Variants in PKD2 observed in about 807,000 individuals in gnomAD.
The protein encoded by PKD2 is polycystin 2, transient receptor potential cation channel, also known as polycystin-2.
PKD2 carries 48 observed loss-of-function variants against 105.9 expected under a neutral mutation model. The observed-to-expected ratio is 0.45, with a 90% CI of 0.36 to 0.58. The LOEUF (loss-of-function observed/expected upper bound fraction) is 0.58. PKD2 is among the 20% of genes least tolerant of loss of function. The pLI, the probability that PKD2 is intolerant of heterozygous loss-of-function variation, is 0.00. For synonymous variants in PKD2, 464 were observed against 481.1 expected (o/e 0.96, Z 0.46); for missense variants, 1,078 against 1,255.3 (o/e 0.86, Z 2.13).
intron 13 of PKD2, among the ~76,000 whole-genome samples, chr4:88,074,134 G>T (rs1239060904): frequency 2.0e-5 from 3 of 152,004 alleles, no homozygotes; most frequent in Non-Finnish European, 4.4e-5. Context: ...ATTGTTGGGT[G>T]TTTTTTGTTT....
At chr4:88,016,785 A>AC (rs1409557406) in intron 1 of PKD2, among the ~76,000 whole-genome samples, 1 of 151,924 alleles carries the variant, frequency 6.6e-6, no homozygotes, top group Non-Finnish European at 1.5e-5. Flanking sequence ...ATGTAGTGAG[A>AC]CCCCACCTCT....
intron 13 of PKD2, among the ~76,000 whole-genome samples, chr4:88,070,703 G>A (rs1396513906): frequency 1.3e-5 from 2 of 150,004 alleles, no homozygotes; most frequent in Non-Finnish European, 3.0e-5. Context: ...TGTAATCATG[G>A]CTCTCTACAG....
chr4:88,018,622 A>G (rs1726641598), intron 1 of PKD2, among the ~76,000 whole-genome samples: 1 of 152,174 alleles, frequency 6.6e-6, no homozygotes, highest in Non-Finnish European at 1.5e-5. Flanking sequence ...GGGGCTTTGG[A>G]TGGCCACCAT....
At chr4:88,012,432 C>T (rs2725233) in intron 1 of PKD2, among the ~76,000 whole-genome samples, 118,994 of 152,056 alleles carry the variant, frequency 0.78, 46,697 homozygotes, top group African/African-American at 0.83. Context: ...TGCATCTCTT[C>T]AGTTTATGAA....
At position 88,076,094 on chromosome 4, in the gene PKD2, G is replaced by T; in HGVS notation, c.*400G>T. ...GTTATTTTTTTCCAAGAGTGTGAAG[G>T]AAAATGGGGCATTCCTTTCCACTCT... On this transcript the variant is annotated 3_prime_UTR_variant, in exon 15 of 15. Coordinates refer to ENST00000237596, the MANE Select transcript of PKD2 (RefSeq NM_000297.4). 1 of 221,390 alleles carries T rather than the reference G, an allele frequency of 4.5e-6. No homozygotes were observed. Among genetic ancestry groups the T allele is most frequent in the South Asian group, 6.5e-5 (1 of 15,384 alleles). The allele number at this position is 221,390 out of a possible 1,614,324, so 13.7% of individuals were successfully genotyped here.
At chr4:88,032,003 T>G (rs1369639373) in intron 2 of PKD2, among the ~76,000 whole-genome samples, 1 of 152,214 alleles carries the variant, frequency 6.6e-6, no homozygotes, top group Non-Finnish European at 1.5e-5. Flanking sequence ...TTGAGTGGTT[T>G]TCTTATAACA....
intron 9 of PKD2, among the ~76,000 whole-genome samples, chr4:88,061,331 T>A (rs1165694277): frequency 6.6e-6 from 1 of 152,190 alleles, no homozygotes; most frequent in Non-Finnish European, 1.5e-5. Context: ...TACTAATATT[T>A]TGTTGTATTT....
chr4:88,049,641 C>T (rs1435281132), intron 6 of PKD2, among the ~76,000 whole-genome samples: 1 of 152,168 alleles, frequency 6.6e-6, no homozygotes, highest in East Asian at 1.9e-4. Flanking sequence ...AAAACACACC[C>T]TGTGCTCCAC....
chr4:88,042,384 G>T (rs1224192380), intron 4 of PKD2, among the ~76,000 whole-genome samples: 1 of 152,138 alleles, frequency 6.6e-6, no homozygotes, highest in Non-Finnish European at 1.5e-5. Context: ...GGAAAGACCT[G>T]CCCCCATGAT....
At chr4:88,015,720 C>T (rs1726536667) in intron 1 of PKD2, among the ~76,000 whole-genome samples, 1 of 152,094 alleles carries the variant, frequency 6.6e-6, no homozygotes, top group Admixed American at 6.5e-5. Flanking sequence ...GTGTGCCCAG[C>T]CAATAAAAAG....
At chr4:88,074,041 A>G (rs937906292) in intron 13 of PKD2, among the ~76,000 whole-genome samples, 1 of 151,498 alleles carries the variant, frequency 6.6e-6, no homozygotes, top group Admixed American at 6.6e-5. Context: ...CTATTTTATT[A>G]AATAGTCTGC....
intron 4 of PKD2, among the ~76,000 whole-genome samples, chr4:88,039,194 C>G (rs1578131209): frequency 1.3e-5 from 2 of 152,288 alleles, no homozygotes; most frequent in South Asian, 4.1e-4. Context: ...GAGTCATCTT[C>G]TAAGCTTTGC....
At chr4:88,061,879 T>A in intron 9 of PKD2, 27 bp from the exon 10 acceptor site, 1 of 1,029,062 alleles carries the variant, frequency 9.7e-7, no homozygotes, top group Non-Finnish European at 1.5e-6. Flanking sequence ...TTCCTTTAAT[T>A]TTTGCCCTCC....
chr4:88,015,986 G>C (rs1174332270), intron 1 of PKD2, among the ~76,000 whole-genome samples: 1 of 152,164 alleles, frequency 6.6e-6, no homozygotes, highest in Non-Finnish European at 1.5e-5. Flanking sequence ...GGATGAAACT[G>C]TTCCACCTCA....
At position 88,056,266 on chromosome 4, in the gene PKD2, A is replaced by G; in HGVS notation, c.1897A>G (p.Ile633Val). 6.3e-7 allele frequency: 1 copy of G among 1,595,920 alleles called. No homozygotes were observed. Among genetic ancestry groups the G allele is most frequent in the South Asian group, 1.1e-5 (1 of 90,350 alleles). ...TGACTTCAGTACTTTCCAAGAGTGTATGTAAGTATATATGAAATTAAGAAG... is the reference window on the plus strand; with the variant it reads ...TGACTTCAGTACTTTCCAAGAGTGTGTGTAAGTATATATGAAATTAAGAAG... ...VDDFSTFQEC[I>V]FTQFRIILGD... is the part of the protein sequence containing the mutation. Residue 633 changes from isoleucine to valine, a missense_variant and splice_region_variant, in exon 8 of 15, where the codon ATC (isoleucine) becomes GTC (valine). Physicochemically the swap from Ile to Val is conservative, Grantham distance 29. Coordinates refer to ENST00000237596, the MANE Select transcript of PKD2 (RefSeq NM_000297.4).
Position 88,066,692 on chromosome 4 carries a change from C to T in PKD2, c.2358+813C>T, listed in dbSNP as rs888331806. On this transcript the variant is annotated intron_variant, in intron 12 of 14. Transcript: ENST00000237596. ...TTATAATAAAATTAACAGCCGCCTT[C>T]CATTTGAATACTTTTTACAAAATAG... Among the ~76,000 whole-genome samples, 8 of 152,004 alleles carry T rather than the reference C, an allele frequency of 5.3e-5. No homozygotes were observed. The South Asian group carries it at 1.7e-3, about 31-fold the overall frequency.
chr4:88,042,289 AAGAG>A (rs886265387), intron 4 of PKD2, among the ~76,000 whole-genome samples: 2 of 152,346 alleles, frequency 1.3e-5, no homozygotes, highest in Admixed American at 6.5e-5. Flanking sequence ...GCAGCAGGCA[AAGAG>A]AGAGAGCTTG....
intron 8 of PKD2, among the ~76,000 whole-genome samples, 196 bp from the exon 9 acceptor site, chr4:88,057,787 A>T (rs749878024): frequency 6.6e-6 from 1 of 152,162 alleles, no homozygotes; most frequent in African/African-American, 2.4e-5. Flanking sequence ...AAAGCATTTT[A>T]TTATTATTGC....
At chr4:88,074,038 AT>A (rs1216591019) in intron 13 of PKD2, among the ~76,000 whole-genome samples, 1 of 152,140 alleles carries the variant, frequency 6.6e-6, no homozygotes, top group Non-Finnish European at 1.5e-5. Context: ...ATTCTATTTT[AT>A]TAAATAGTCT....
Sources: allele counts gnomAD v4.1 joint callset (sites outside exome capture counted in the v4.1 genomes callset), GRCh38; gene constraint gnomAD v4.1.1; transcripts MANE v1.5; gene names NCBI Gene and HGNC (gene_info 2026-07-23, HGNC 2026-07-21).